The following LGR6 variants were observed in gnomAD, a reference collection of about 807,000 sequenced individuals.
LGR6 encodes the protein leucine rich repeat containing G protein-coupled receptor 6.
LGR6 carries 45 observed loss-of-function variants against 69.4 expected under a neutral mutation model. The ratio of observed to expected loss-of-function variants is 0.65; its 90% CI spans 0.51 to 0.83. The LOEUF (loss-of-function observed/expected upper bound fraction) is 0.83. Ranked by LOEUF, LGR6 falls within the 40% of genes least tolerant of loss-of-function variation. The probability of loss-of-function intolerance (pLI) is 0.00; values close to 1 mark genes in which losing one functional copy is unlikely to be tolerated. For synonymous variants in LGR6, 538 were observed against 555.0 expected (o/e 0.97, Z 0.43); for missense variants, 1,108 against 1,246.7 (o/e 0.89, Z 1.68).
chr1:202,204,213 G>GCACA (rs60896562), intron 1 of LGR6, among the ~76,000 whole-genome samples: 8 of 140,760 alleles, frequency 5.7e-5, no homozygotes, highest in Admixed American at 2.9e-4. Context: ...CCTCCTTCAA[G>GCACA]CACACACACA....
chr1:202,219,941 T>A (rs1194190326), intron 1 of LGR6, among the ~76,000 whole-genome samples: 1 of 152,174 alleles, frequency 6.6e-6, no homozygotes, highest in African/African-American at 2.4e-5. Context: ...AGTGGCATGA[T>A]CTTGACTCAC....
intron 6 of LGR6, among the ~76,000 whole-genome samples, chr1:202,296,793 A>G (rs1312119038): frequency 1.3e-5 from 2 of 152,232 alleles, no homozygotes; most frequent in East Asian, 3.8e-4. Context: ...GTGCCTGGGT[A>G]TGAATCTTTT....
intron 12 of LGR6, 96 bp from the exon 13 acceptor site, chr1:202,306,771 TG>T: frequency 2.8e-6 from 3 of 1,086,750 alleles, no homozygotes; most frequent in Non-Finnish European, 2.8e-6. Flanking sequence ...CCAGGAGAAG[TG>T]GGGGGCTCTA....
intron 7 of LGR6, among the ~76,000 whole-genome samples, chr1:202,300,525 C>T (rs1308767898): frequency 6.6e-6 from 1 of 152,086 alleles, no homozygotes. Flanking sequence ...TGCAGTGGCA[C>T]ATGCCTGTAG....
At position 202,261,336 on chromosome 1, in the gene LGR6, T is replaced by C. The variant is rs1229166712; in HGVS notation, c.429-14970T>C. Among the ~76,000 whole-genome samples the C allele has an allele frequency of 2.0e-5, 3 of 150,552 alleles. No homozygotes were observed. The Admixed American group carries it at 2.0e-4, about 10-fold the overall frequency. The stretch of plus-strand genomic sequence containing the variant: ...TCCATGAGTAAGAACATGTGGTGTT[T>C]GGTTTTTTGTCCTTGTGATAGTTTA... On this transcript the variant is annotated intron_variant, in intron 4 of 17. Transcript: ENST00000367278.
In LGR6 at chr1:202,309,169, A is replaced by G. The variant is rs1653513508; in HGVS notation, c.1399A>G (p.Lys467Glu). The G allele has an allele frequency of 4.3e-6, 7 of 1,614,038 alleles. No individual in the cohort carries two copies. The highest frequency in any genetic ancestry group is 5.9e-6 in the Non-Finnish European group (7 of 1,179,952). Residue 467 changes from lysine (K) to glutamate (E), a missense_variant, in exon 15 of 18, where the codon AAA (lysine) becomes GAA (glutamate). By Grantham distance (56) the Lys-to-Glu change is moderately conservative. Transcript: ENST00000367278. ...SQAFSKDSFPKLRILEVPYAY... is the reference protein window; with the variant it reads ...SQAFSKDSFPELRILEVPYAY... Reference sequence around the variant, plus strand: ...GGCCTTCTCCAAGGACAGTTTCCCAAAACTGAGGTGAGGGACTGGCTTTCC... The same window carrying G: ...GGCCTTCTCCAAGGACAGTTTCCCAGAACTGAGGTGAGGGACTGGCTTTCC...
chr1:202,312,771 G>C (rs1314958600), intron 16 of LGR6, among the ~76,000 whole-genome samples: 3 of 152,144 alleles, frequency 2.0e-5, no homozygotes, highest in African/African-American at 4.8e-5. Flanking sequence ...AAGCCTTTCA[G>C]TGATGGATTA....
At chr1:202,247,454 C>T (rs555570798) in intron 4 of LGR6, among the ~76,000 whole-genome samples, 1 of 152,338 alleles carries the variant, frequency 6.6e-6, no homozygotes, top group African/African-American at 2.4e-5. Flanking sequence ...ATAGGTCTGT[C>T]CCCTAGGCCC....
chr1:202,200,987 C>A (rs1397792705), intron 1 of LGR6, among the ~76,000 whole-genome samples: 1 of 152,168 alleles, frequency 6.6e-6, no homozygotes, highest in African/African-American at 2.4e-5. Context: ...TGTGTCCCAT[C>A]CCCAGCCCCC....
At chr1:202,270,826 A>G (rs1665036017) in intron 4 of LGR6, among the ~76,000 whole-genome samples, 1 of 152,090 alleles carries the variant, frequency 6.6e-6, no homozygotes, top group Admixed American at 6.5e-5. Context: ...GGGATGTCCT[A>G]TGACCTGGCG....
At chr1:202,258,799 T>C (rs1209787148) in intron 4 of LGR6, among the ~76,000 whole-genome samples, 15 of 152,188 alleles carry the variant, frequency 9.9e-5, no homozygotes, top group Admixed American at 8.5e-4. Flanking sequence ...TATTTCTGTT[T>C]CCTGTCTTAT....
Position 202,296,606 on chromosome 1 carries a change from T to C in LGR6, c.717-902T>C, listed in dbSNP as rs547497716. Among the ~76,000 whole-genome samples the C allele has an allele frequency of 3.3e-4, 50 of 152,316 alleles. 3 individuals carry two copies. In the South Asian group the frequency reaches 0.01, roughly 31 times the overall value. The stretch of plus-strand genomic sequence containing the variant: ...TAAAAGTTGCCCTCGGCCTCTTCCA[T>C]TTCTCTTGCTTCTCTTGCCCTGTCA... On this transcript the variant is annotated intron_variant, in intron 6 of 17. Coordinates refer to ENST00000367278, the MANE Select transcript of LGR6 (RefSeq NM_001017403.2).
At chr1:202,201,050 T>C (rs1193338585) in intron 1 of LGR6, among the ~76,000 whole-genome samples, 4 of 152,232 alleles carry the variant, frequency 2.6e-5, no homozygotes, top group African/African-American at 9.6e-5. Flanking sequence ...GGGATGCCTA[T>C]GCTCTGTGTC....
intron 6 of LGR6, among the ~76,000 whole-genome samples, chr1:202,284,838 G>A (rs1666279382): frequency 6.6e-6 from 1 of 152,206 alleles, no homozygotes; most frequent in East Asian, 1.9e-4. Flanking sequence ...CAGGGCCCAG[G>A]ATGGACCCCG....
chr1:202,234,839 C>A (rs989150766), intron 3 of LGR6, among the ~76,000 whole-genome samples: 11 of 152,176 alleles, frequency 7.2e-5, no homozygotes, highest in Non-Finnish European at 4.4e-5. Flanking sequence ...GCTTCCCCCT[C>A]TGAAAGATGG....
At chr1:202,236,119 C>T in intron 4 of LGR6, 126 bp downstream of exon 4, 2 of 714,214 alleles carry the variant, frequency 2.8e-6, no homozygotes, top group Admixed American at 4.5e-5. Context: ...ACGTTCCAGA[C>T]AGCATGCCGC....
At chr1:202,312,879 A>G (rs539206532) in intron 16 of LGR6, among the ~76,000 whole-genome samples, 56 of 152,094 alleles carry the variant, frequency 3.7e-4, no homozygotes, top group African/African-American at 1.3e-3. Flanking sequence ...CATGTCTGCA[A>G]CCCCCTAGAG....
chr1:202,241,986 A>G (rs1251307176), intron 4 of LGR6, among the ~76,000 whole-genome samples: 4 of 152,136 alleles, frequency 2.6e-5, no homozygotes, highest in Non-Finnish European at 1.5e-5. Context: ...AGCCAATCCA[A>G]AACAGATTGG....
chr1:202,209,984 A>G (rs1484809704), intron 1 of LGR6, among the ~76,000 whole-genome samples: 2 of 152,252 alleles, frequency 1.3e-5, no homozygotes, highest in South Asian at 2.1e-4. Flanking sequence ...AAACAGCCCT[A>G]TGGACATCAC....
Sources: allele counts gnomAD v4.1 joint callset (sites outside exome capture counted in the v4.1 genomes callset), GRCh38; gene constraint gnomAD v4.1.1; transcripts MANE v1.5; gene names NCBI Gene and HGNC (gene_info 2026-07-23, HGNC 2026-07-21).